The following MYOM2 variants were observed in gnomAD, a reference collection of about 807,000 sequenced individuals.
MYOM2 encodes myomesin 2, also known as myomesin-2.
A neutral mutation model predicts 187.6 loss-of-function variants in MYOM2; 254 were observed. That is an observed-to-expected ratio of 1.35 (90% confidence interval 1.22 to 1.50). MYOM2 has a LOEUF of 1.50. MYOM2 is among the 40% of genes most tolerant of loss of function. The probability of loss-of-function intolerance (pLI) is 0.00; values close to 1 mark genes in which losing one functional copy is unlikely to be tolerated. For missense variants in MYOM2, 2,796 were observed against 1,924.0 expected, an observed-to-expected ratio of 1.45 and a Z score of -8.48; for synonymous variants, 981 against 753.8, an observed-to-expected ratio of 1.30 and a Z score of -4.94.
rs144172725 is a variant in MYOM2, at chr8:2,068,269, T to C, written c.654-1009T>C. ...CGGGGGCAGCTCTTCAATGCCTGTG[T>C]GCACCAGGCAGAGAGCATCCTGGGC... On this transcript the variant is annotated intron_variant, in intron 6 of 36. Coordinates refer to ENST00000262113, the MANE Select transcript of MYOM2 (RefSeq NM_003970.4). Among the ~76,000 whole-genome samples the C allele has an allele frequency of 2.5e-3, 373 of 149,914 alleles. 1 individual carries two copies. Among genetic ancestry groups the C allele is most frequent in the African/African-American group, 9.0e-3 (364 of 40,308 alleles).
chr8:2,089,445 C>T (rs991574901), intron 14 of MYOM2, among the ~76,000 whole-genome samples: 3 of 152,112 alleles, frequency 2.0e-5, no homozygotes, highest in African/African-American at 4.8e-5. Context: ...TATTAGATTT[C>T]ACAAAATAAC....
chr8:2,141,030 T>C (rs1300914832), intron 33 of MYOM2, 111 bp from the exon 34 acceptor site: 1 of 1,319,268 alleles, frequency 7.6e-7, no homozygotes, highest in Non-Finnish European at 1.0e-6. Flanking sequence ...AAATTTATTC[T>C]TTTTTTATAT....
chr8:2,050,073 C>T (rs78508919), intron 1 of MYOM2, among the ~76,000 whole-genome samples: 2 of 152,132 alleles, frequency 1.3e-5, no homozygotes, highest in African/African-American at 4.8e-5. Context: ...TCCCCCTTTG[C>T]ATGGTGGAGA....
chr8:2,063,986 T>TG (rs1818930435), intron 6 of MYOM2, among the ~76,000 whole-genome samples: 1 of 152,152 alleles, frequency 6.6e-6, no homozygotes, highest in Admixed American at 6.5e-5. Flanking sequence ...GGAATTAGAC[T>TG]GGGGGTGAGC....
chr8:2,097,003 CCCTGTCCGG>C (rs1796514587), intron 18 of MYOM2: 2 of 467,884 alleles, frequency 4.3e-6, no homozygotes, highest in African/African-American at 4.2e-5. Context: ...TGCTCTGTTT[CCCTGTCCGG>C]CCCTTGACCC....
At chr8:2,050,692 A>T in intron 1 of MYOM2, 63 bp from the exon 2 acceptor site, 2 of 965,966 alleles carry the variant, frequency 2.1e-6, no homozygotes, top group Non-Finnish European at 3.3e-6. Flanking sequence ...AATGATGCAG[A>T]AATGGCAGAG....
At chr8:2,137,484 G>A (rs766097613) in intron 32 of MYOM2, among the ~76,000 whole-genome samples, 1 of 152,068 alleles carries the variant, frequency 6.6e-6, no homozygotes, top group South Asian at 2.1e-4. Flanking sequence ...TTACTGATGT[G>A]TGGAGGTTCA....
chr8:2,141,423 G>A (rs1421731815), intron 34 of MYOM2, among the ~76,000 whole-genome samples: 1 of 152,226 alleles, frequency 6.6e-6, no homozygotes, highest in Non-Finnish European at 1.5e-5. Context: ...AATCATTATT[G>A]TGAGAGTTGA....
chr8:2,052,072 G>A (rs975015635), intron 2 of MYOM2, 86 bp from the exon 3 acceptor site: 27 of 1,553,492 alleles, frequency 1.7e-5, no homozygotes, highest in Non-Finnish European at 2.3e-5. Flanking sequence ...GGTTTGGGGT[G>A]TGTAGAGAGA....
chr8:2,054,177 G>A (rs748737334), intron 3 of MYOM2, among the ~76,000 whole-genome samples: 2 of 152,196 alleles, frequency 1.3e-5, no homozygotes, highest in Non-Finnish European at 2.9e-5. Context: ...TGCTGGACAA[G>A]TTGGTCCTTT....
At chr8:2,086,206 C>CCTCACTGTCGTGATCTCCGCGTGGCCCCT (rs1273857382) in intron 14 of MYOM2, among the ~76,000 whole-genome samples, 1 of 45,186 alleles carries the variant, frequency 2.2e-5, no homozygotes, top group Non-Finnish European at 5.1e-5. Context: ...CTGCGTGGCC[C>CCTCACTGTCGTGATCTCCGCGTGGCCCCT]CACTGTCATG....
At chr8:2,135,237 G>A (rs1403257810) in intron 32 of MYOM2, among the ~76,000 whole-genome samples, 3 of 152,134 alleles carry the variant, frequency 2.0e-5, no homozygotes, top group African/African-American at 7.2e-5. Context: ...CTAGAGTTCA[G>A]TGTTTCCTAC....
At chr8:2,092,216 C>G (rs1453992763) in intron 15 of MYOM2, 130 bp from the exon 16 acceptor site, 2 of 1,099,872 alleles carry the variant, frequency 1.8e-6, no homozygotes, top group Non-Finnish European at 2.7e-6. Context: ...CTCCTGGACC[C>G]CTTGTCTGAA....
At chr8:2,056,392 G>A (rs1308135797) in intron 3 of MYOM2, among the ~76,000 whole-genome samples, 1 of 152,168 alleles carries the variant, frequency 6.6e-6, no homozygotes, top group Non-Finnish European at 1.5e-5. Context: ...GGAGGTTGAT[G>A]AGGCTGAAAG....
intron 25 of MYOM2, among the ~76,000 whole-genome samples, chr8:2,112,347 AG>A (rs1797094476): frequency 7.9e-6 from 1 of 126,248 alleles, no homozygotes; most frequent in Non-Finnish European, 1.6e-5. Flanking sequence ...AAGGATTTCA[AG>A]GGTAGAGGGT....
In MYOM2 at chr8:2,109,388, C is replaced by A. The variant is rs747915737; in HGVS notation, c.3044-7C>A. ...TTATTGACTTGCGATTTCTTTTCTT[C>A]CTGTAGCAATTCCTCTGAAATCGGA... On this transcript the variant is annotated splice_region_variant and splice_polypyrimidine_tract_variant and intron_variant, in intron 24 of 36. Coordinates refer to ENST00000262113, the MANE Select transcript of MYOM2 (RefSeq NM_003970.4). 1.8e-5 allele frequency: 29 copies of A among 1,596,322 alleles called. No individual in the cohort carries two copies. The South Asian group carries it at 3.3e-4, about 18-fold the overall frequency.
intron 25 of MYOM2, among the ~76,000 whole-genome samples, chr8:2,113,993 G>A (rs544245518): frequency 2.0e-5 from 3 of 152,290 alleles, no homozygotes; most frequent in African/African-American, 7.2e-5. Flanking sequence ...AGGGTGGGGA[G>A]GGTGCTCCCA....
At chr8:2,082,412 C>T (rs564075567) in intron 13 of MYOM2, among the ~76,000 whole-genome samples, 11 of 151,706 alleles carry the variant, frequency 7.3e-5, no homozygotes, top group African/African-American at 2.4e-4. Flanking sequence ...TTTCTTTTAC[C>T]ATTGCTTTAG....
chr8:2,120,140 G>T (rs533959794), intron 28 of MYOM2, among the ~76,000 whole-genome samples: 3 of 152,144 alleles, frequency 2.0e-5, no homozygotes, highest in African/African-American at 7.2e-5. Flanking sequence ...TGCTGGGATT[G>T]ATTTTTCCAG....
Sources: gnomAD v4.1 joint callset for allele counts (sites outside exome capture counted in the v4.1 genomes callset) on GRCh38, gnomAD v4.1.1 for gene constraint, MANE v1.5 for transcripts, NCBI Gene and HGNC (gene_info 2026-07-23, HGNC 2026-07-21) for gene names.